The following SLC15A4 variants were observed in gnomAD, a reference collection of about 807,000 sequenced individuals.
The protein encoded by SLC15A4 is hPHT1.
Under a neutral mutation model 46.1 loss-of-function variants are expected in SLC15A4, and 26 were observed. That is an observed-to-expected ratio of 0.56 (90% CI 0.41 to 0.78). The LOEUF (loss-of-function observed/expected upper bound fraction) is 0.78, where lower values mean the gene tolerates loss of function less well. SLC15A4 is among the 30% of genes least tolerant of loss of function. SLC15A4 has a pLI of 0.00. For synonymous variants in SLC15A4, 370 were observed against 333.4 expected (o/e 1.11, Z -1.20); for missense variants, 751 against 755.7 (o/e 0.99, Z 0.07).
chr12:128,820,468 C>A (rs891346341), intron 1 of SLC15A4, among the ~76,000 whole-genome samples: 1 of 152,178 alleles, frequency 6.6e-6, no homozygotes, highest in African/African-American at 2.4e-5. Context: ...TCATTTCTAA[C>A]GTCATTCTAA....
At chr12:128,794,468 A>G in intron 7 of SLC15A4, 112 bp from the exon 8 acceptor site, 2 of 1,079,364 alleles carry the variant, frequency 1.9e-6, no homozygotes, top group Non-Finnish European at 1.3e-6. Flanking sequence ...TCATAAAAAA[A>G]GTAACAAATG....
chr12:128,809,496 TTA>T, intron 3 of SLC15A4, 23 bp from the exon 4 acceptor site: 1 of 1,510,836 alleles, frequency 6.6e-7, no homozygotes, highest in African/African-American at 1.4e-5. Context: ...AACAGTATCA[TTA>T]TATGTGGACC....
At chr12:128,818,558 C>T in intron 1 of SLC15A4, among the ~76,000 whole-genome samples, 1 of 152,250 alleles carries the variant, frequency 6.6e-6, no homozygotes, top group East Asian at 1.9e-4. Context: ...GGAGGGGGAC[C>T]TGCCACCTGG....
chr12:128,813,411 T>C (rs993431489), intron 2 of SLC15A4: 8 of 152,150 alleles, frequency 5.3e-5, no homozygotes, highest in African/African-American at 1.7e-4. Context: ...GCATTTCCAA[T>C]AGGTCATGTA....
At chr12:128,797,563 G>A (rs1365108280) in intron 7 of SLC15A4, among the ~76,000 whole-genome samples, 1 of 152,300 alleles carries the variant, frequency 6.6e-6, no homozygotes, top group East Asian at 1.9e-4. Flanking sequence ...TGGGAGGTCG[G>A]TAAGAAAAAC....
In SLC15A4 at chr12:128,799,143, G is replaced by A. The variant is rs1955483863; in HGVS notation, c.1573+116C>T. 1.7e-5 allele frequency: 19 copies of A among 1,098,930 alleles called. No homozygotes were observed. In the East Asian group the frequency reaches 4.2e-4, roughly 25 times the overall value. The allele number at this position is 1,098,930 out of a possible 1,614,324, so 68.1% of individuals were successfully genotyped here. On this transcript the variant is annotated intron_variant, in intron 7 of 7. Coordinates refer to ENST00000266771, the MANE Select transcript of SLC15A4 (RefSeq NM_145648.4). ...GTGCTGTGGAAGGAGCGGTGGACAG[G>A]CAGCTCGGGACAGGCCATCCACGTG...
intron 6 of SLC15A4, 42 bp downstream of exon 6, chr12:128,800,812 T>C: frequency 1.9e-6 from 3 of 1,577,586 alleles, no homozygotes; most frequent in Non-Finnish European, 1.7e-6. Context: ...GCGCTCACGC[T>C]TGTGCCTGGA....
intron 7 of SLC15A4, among the ~76,000 whole-genome samples, chr12:128,798,336 G>A (rs1021575958): frequency 6.6e-6 from 1 of 152,200 alleles, no homozygotes; most frequent in African/African-American, 2.4e-5. Flanking sequence ...AAGCAGCCCT[G>A]AGCTGGCCAT....
intron 7 of SLC15A4, among the ~76,000 whole-genome samples, chr12:128,796,458 A>AAAAAAAAAAAAAAG (rs1176888407): frequency 2.9e-5 from 1 of 34,614 alleles, no homozygotes; most frequent in African/African-American, 6.8e-5. Flanking sequence ...AAAAAAAAAA[A>AAAAAAAAAAAAAAG]CCCACACATC....
intron 1 of SLC15A4, among the ~76,000 whole-genome samples, chr12:128,821,884 C>CAAAAAAA (rs10579523): frequency 7.5e-6 from 1 of 132,980 alleles, no homozygotes; most frequent in Admixed American, 7.4e-5. Context: ...GACTCCGCCT[C>CAAAAAAA]AAAAAAAAAA....
chr12:128,810,005 C>T lies in SLC15A4; in HGVS notation c.949G>A (p.Ala317Thr). ...AAAACAGGGACAATCTTGACCAGAGCTTTCACATCTTCCACTTTCTCTTCT... is the reference window on the plus strand; with the variant it reads ...AAAACAGGGACAATCTTGACCAGAGTTTTCACATCTTCCACTTTCTCTTCT... ...FTEEKVEDVK[A>T]LVKIVPVFLA... is the part of the protein sequence containing the mutation. The change falls in exon 3 of 8, where the codon GCT becomes ACT. Residue 317 changes from alanine (A) to threonine (T), a missense_variant. By Grantham distance (58) the Ala-to-Thr change is moderately conservative. Transcript: ENST00000266771. 1 of 1,614,204 alleles carries T rather than the reference C, an allele frequency of 6.2e-7. No individual in the cohort carries two copies. Among genetic ancestry groups the T allele is most frequent in the Non-Finnish European group, 8.5e-7 (1 of 1,180,046 alleles).
intron 2 of SLC15A4, among the ~76,000 whole-genome samples, chr12:128,811,991 G>A (rs34888374): frequency 0.095 from 14,402 of 152,166 alleles, 931 homozygotes; most frequent in Admixed American, 0.2. Context: ...ACAAGTTGAC[G>A]AGCTCCAGTT....
At chr12:128,805,154 C>G (rs779857400) in intron 5 of SLC15A4, among the ~76,000 whole-genome samples, 7 of 152,022 alleles carry the variant, frequency 4.6e-5, no homozygotes, top group South Asian at 2.1e-4. Flanking sequence ...GATACCCCCC[C>G]CAAAAAAATC....
At position 128,823,877 on chromosome 12, in the gene SLC15A4, C is replaced by T; in HGVS notation, c.67G>A (p.Ala23Thr). The change falls in exon 1 of 8, where the codon GCC becomes ACC. Residue 23 changes from alanine (A) to threonine (T), a missense_variant. Physicochemically the swap from Ala to Thr is moderately conservative, Grantham distance 58. Transcript: ENST00000266771. ...PLLGARRAAA[A>T]AAAAGAFAGR... Reference sequence around the variant, plus strand: ...GCGAACGCCCCAGCCGCCGCCGCGGCCGCCGCCGCCCGCCGCGCGCCCAGC... The same window carrying T: ...GCGAACGCCCCAGCCGCCGCCGCGGTCGCCGCCGCCCGCCGCGCGCCCAGC... The T allele has an allele frequency of 1.0e-6, 1 of 955,102 alleles. No individual in the cohort carries two copies. Among genetic ancestry groups the T allele is most frequent in the Non-Finnish European group, 1.2e-6 (1 of 805,144 alleles). 59.2% of individuals were successfully genotyped at this position (955,102 alleles called of 1,614,324 possible). A position where few individuals can be genotyped will look rare whatever the true frequency, so the allele number is the denominator to read the frequency against.
intron 2 of SLC15A4, chr12:128,814,509 C>T: frequency 2.4e-6 from 1 of 409,422 alleles, no homozygotes. Flanking sequence ...ACCAAAGGAG[C>T]TTCCGTCTAC....
chr12:128,798,785 T>C (rs1442991329), intron 7 of SLC15A4, among the ~76,000 whole-genome samples: 2 of 152,162 alleles, frequency 1.3e-5, no homozygotes, highest in African/African-American at 4.8e-5. Flanking sequence ...TCACAAGTAA[T>C]ATGTTTATTT....
intron 1 of SLC15A4, among the ~76,000 whole-genome samples, chr12:128,818,095 T>C (rs1955784505): frequency 6.6e-6 from 1 of 151,248 alleles, no homozygotes; most frequent in Admixed American, 6.6e-5. Context: ...AAAAAATGCA[T>C]CATTTGCTCT....
rs11059924 is a variant in SLC15A4 at position 128,808,801 on chromosome 12, C to T, written c.1245G>A (p.Ser415=). The change falls in exon 5 of 8, where the codon TCG becomes TCA. Residue 415 remains serine, a synonymous_variant. Coordinates refer to ENST00000266771, the MANE Select transcript of SLC15A4 (RefSeq NM_145648.4). ...AATGCCTCTTACCTGCAGCAAAGGC[C>T]GAGCACATGACAAAGAACATGCCCA... The part of the protein sequence containing the change: ...IAVGMFFVMC[S]AFAAGILESK... 754,700 of 1,613,398 alleles carry T rather than the reference C, an allele frequency of 0.47. 178,097 individuals carry two copies. Among genetic ancestry groups the T allele is most frequent in the East Asian group, 0.6 (26,852 of 44,846 alleles).
At chr12:128,817,581 C>T (rs1421577414) in intron 1 of SLC15A4, among the ~76,000 whole-genome samples, 2 of 152,138 alleles carry the variant, frequency 1.3e-5, no homozygotes, top group East Asian at 3.9e-4. Flanking sequence ...TGACACTGCA[C>T]ATATCTTCCC....
Sources: allele counts gnomAD v4.1 joint callset (sites outside exome capture counted in the v4.1 genomes callset), GRCh38; gene constraint gnomAD v4.1.1; transcripts MANE v1.5; gene names NCBI Gene and HGNC (gene_info 2026-07-23, HGNC 2026-07-21).